Variants in MBNL1 observed in about 807,000 individuals in gnomAD.
MBNL1 encodes the protein muscleblind-like protein 1.
A neutral mutation model predicts 42.2 loss-of-function variants in MBNL1; 8 were observed. The ratio of observed to expected loss-of-function variants is 0.19; its 90% CI spans 0.11 to 0.34. MBNL1 has a LOEUF of 0.34. Among genes scored for constraint, MBNL1 ranks in the 10% least tolerant of loss-of-function variants. The pLI is 1.00. For missense variants in MBNL1, 309 were observed against 495.3 expected (o/e 0.62, Z 3.57); for synonymous variants, 169 against 173.9 (o/e 0.97, Z 0.22).
At chr3:152,250,764 G>T (rs1312676763) in intron 2 of MBNL1, among the ~76,000 whole-genome samples, 1 of 151,498 alleles carries the variant, frequency 6.6e-6, no homozygotes, top group African/African-American at 2.4e-5. Context: ...GTTTGTCATA[G>T]ATAGCTCTTA....
intron 2 of MBNL1, among the ~76,000 whole-genome samples, chr3:152,249,943 A>C (rs1432078623): frequency 6.8e-6 from 1 of 146,416 alleles, no homozygotes; most frequent in Non-Finnish European, 1.5e-5. Flanking sequence ...ATGTGGCGTT[A>C]TTTCTGAGGG....
At chr3:152,316,933 A>G (rs1353068970) in intron 2 of MBNL1, among the ~76,000 whole-genome samples, 3 of 152,132 alleles carry the variant, frequency 2.0e-5, no homozygotes, top group Non-Finnish European at 4.4e-5. Flanking sequence ...AAGATTAAGA[A>G]GATAAAATAA....
At chr3:152,402,031 CAAA>C (rs35675539) in intron 2 of MBNL1, among the ~76,000 whole-genome samples, 9 of 104,492 alleles carry the variant, frequency 8.6e-5, no homozygotes, top group Admixed American at 2.9e-4. Flanking sequence ...GACTCTGTCT[CAAA>C]AAAAAAAAAA....
chr3:152,271,693 C>T (rs2042024409), intron 1 of MBNL1, among the ~76,000 whole-genome samples: 4 of 152,048 alleles, frequency 2.6e-5, no homozygotes, highest in Admixed American at 2.6e-4. Context: ...AATAGGTTCA[C>T]GAAGTGATTG....
chr3:152,453,788 G>C (rs531253899), intron 6 of MBNL1, among the ~76,000 whole-genome samples: 1 of 152,258 alleles, frequency 6.6e-6, no homozygotes, highest in South Asian at 2.1e-4. Flanking sequence ...TAGGATTTTA[G>C]AGAGATAGTA....
intron 2 of MBNL1, among the ~76,000 whole-genome samples, chr3:152,300,632 T>A (rs1053042596): frequency 2.6e-5 from 4 of 152,186 alleles, no homozygotes; most frequent in African/African-American, 7.2e-5. Context: ...CACTTAGTAA[T>A]GGCAAAGTGT....
chr3:152,388,128 T>C (rs542464677), intron 2 of MBNL1, among the ~76,000 whole-genome samples: 3 of 152,304 alleles, frequency 2.0e-5, no homozygotes, highest in East Asian at 3.9e-4. Flanking sequence ...TCAGGAACTG[T>C]CCCAAAGATT....
intron 2 of MBNL1, among the ~76,000 whole-genome samples, chr3:152,397,329 G>C (rs1237136617): frequency 6.6e-6 from 1 of 152,120 alleles, no homozygotes; most frequent in Non-Finnish European, 1.5e-5. Flanking sequence ...CCTACATTAG[G>C]TATTTCTCCT....
At chr3:152,402,284 C>A (rs2098259830) in intron 2 of MBNL1, among the ~76,000 whole-genome samples, 1 of 152,060 alleles carries the variant, frequency 6.6e-6, no homozygotes, top group Non-Finnish European at 1.5e-5. Context: ...ATAATTGAGG[C>A]CCCTGTATAT....
Position 152,445,407 on chromosome 3 carries a change from C to A in MBNL1, c.675C>A (p.Ile225=). 1 of 1,613,886 alleles carries A rather than the reference C, an allele frequency of 6.2e-7. No homozygotes were observed. The highest frequency in any genetic ancestry group is 8.5e-7 in the Non-Finnish European group (1 of 1,179,854). ...DNTVTVCMDY[I]KGRCSREKCK... ...CAGTCACTGTGTGTATGGATTACAT[C>A]AAAGGGAGATGCTCTCGGGAAAAGT... Residue 225 remains isoleucine, a synonymous_variant, in exon 5 of 10, where the codon ATC becomes ATA. Coordinates refer to ENST00000324210, the MANE Select transcript of MBNL1 (RefSeq NM_021038.5).
At chr3:152,376,816 A>G (rs1443873524) in intron 2 of MBNL1, among the ~76,000 whole-genome samples, 1 of 152,156 alleles carries the variant, frequency 6.6e-6, no homozygotes, top group African/African-American at 2.4e-5. Flanking sequence ...ACACACACAC[A>G]TACACACACA....
chr3:152,395,618 G>A (rs1321915922), intron 2 of MBNL1, among the ~76,000 whole-genome samples: 1 of 152,348 alleles, frequency 6.6e-6, no homozygotes, highest in Non-Finnish European at 1.5e-5. Flanking sequence ...TCACTAAGGA[G>A]TGTCTTCCTG....
chr3:152,253,141 C>T (rs1382732073), intron 2 of MBNL1, among the ~76,000 whole-genome samples: 1 of 152,126 alleles, frequency 6.6e-6, no homozygotes, highest in Non-Finnish European at 1.5e-5. Context: ...AAGCTATACA[C>T]TCAGATGTTA....
At chr3:152,414,870 A>T in intron 2 of MBNL1, 71 bp from the exon 3 acceptor site, 1 of 1,497,126 alleles carries the variant, frequency 6.7e-7, no homozygotes, top group Non-Finnish European at 9.2e-7. Flanking sequence ...GGTGGTTTGC[A>T]TTATATTTTT....
intron 1 of MBNL1, among the ~76,000 whole-genome samples, chr3:152,271,127 G>A (rs2041459016): frequency 6.6e-6 from 1 of 152,146 alleles, no homozygotes; most frequent in Non-Finnish European, 1.5e-5. Context: ...AAGAGAAACT[G>A]AAGTGTTATA....
At chr3:152,442,753 G>A (rs2099161000) in intron 4 of MBNL1, among the ~76,000 whole-genome samples, 1 of 152,128 alleles carries the variant, frequency 6.6e-6, no homozygotes, top group Non-Finnish European at 1.5e-5. Context: ...GTTTTAGAAG[G>A]TTTGGGAAGT....
intron 3 of MBNL1, among the ~76,000 whole-genome samples, chr3:152,417,637 G>C (rs2098723937): frequency 6.6e-6 from 1 of 152,050 alleles, no homozygotes; most frequent in Non-Finnish European, 1.5e-5. Flanking sequence ...ATTATGCCTG[G>C]CATATAGCAG....
intron 2 of MBNL1, among the ~76,000 whole-genome samples, chr3:152,401,810 G>A (rs2098234061): frequency 6.6e-6 from 1 of 152,052 alleles, no homozygotes. Context: ...CAGATCACGA[G>A]GTCAAGAGAT....
intron 2 of MBNL1, among the ~76,000 whole-genome samples, chr3:152,320,739 G>T (rs1400587153): frequency 1.5e-5 from 2 of 131,944 alleles, no homozygotes; most frequent in African/African-American, 5.7e-5. Context: ...AAAGAGTTTT[G>T]ATTAGTATTG....
Sources: gnomAD v4.1 joint callset for allele counts (sites outside exome capture counted in the v4.1 genomes callset) on GRCh38, gnomAD v4.1.1 for gene constraint, MANE v1.5 for transcripts, NCBI Gene and HGNC (gene_info 2026-07-23, HGNC 2026-07-21) for gene names.